Variants in RABGEF1 observed in about 807,000 individuals in gnomAD.
RABGEF1 encodes RAB guanine nucleotide exchange factor 1.
In RABGEF1, 26 loss-of-function variants were observed where a neutral mutation model predicts 57.3. The ratio of observed to expected loss-of-function variants is 0.45; its 90% CI spans 0.33 to 0.63. RABGEF1 has a LOEUF of 0.63. RABGEF1 is among the 20% of genes least tolerant of loss of function. The pLI is 0.02. For missense variants in RABGEF1, 464 were observed against 607.6 expected, an observed-to-expected ratio of 0.76 and a Z score of 2.48; for synonymous variants, 185 against 210.7, an observed-to-expected ratio of 0.88 and a Z score of 1.06.
At chr7:66,790,130 G>A (rs1366042368) in intron 4 of RABGEF1, among the ~76,000 whole-genome samples, 1 of 152,216 alleles carries the variant, frequency 6.6e-6, no homozygotes, top group African/African-American at 2.4e-5. Flanking sequence ...CAGGGCTTCT[G>A]CAAGGACTCG....
chr7:66,792,387 C>G (rs1812917955), intron 4 of RABGEF1, among the ~76,000 whole-genome samples: 1 of 152,202 alleles, frequency 6.6e-6, no homozygotes. Flanking sequence ...AGACACGAGT[C>G]TCCTGGGTCA....
chr7:66,806,892 C>T (rs543855180), intron 8 of RABGEF1, among the ~76,000 whole-genome samples: 91 of 152,274 alleles, frequency 6.0e-4, no homozygotes, highest in African/African-American at 2.1e-3. Flanking sequence ...AATCCACCCA[C>T]CTCAGTTTCC....
chr7:66,691,978 G>A (rs1490363739), intron 1 of RABGEF1, among the ~76,000 whole-genome samples: 3 of 152,096 alleles, frequency 2.0e-5, no homozygotes, highest in East Asian at 1.9e-4. Flanking sequence ...GATCACTTGA[G>A]GCCAGGAGGT....
At chr7:66,735,098 A>T (rs947197571) in intron 2 of RABGEF1, among the ~76,000 whole-genome samples, 1 of 152,160 alleles carries the variant, frequency 6.6e-6, no homozygotes, top group Non-Finnish European at 1.5e-5. Flanking sequence ...TATTTATGTA[A>T]GTTTTAACTT....
At chr7:66,774,101 T>C (rs1207004081) in intron 2 of RABGEF1, among the ~76,000 whole-genome samples, 1 of 152,270 alleles carries the variant, frequency 6.6e-6, no homozygotes, top group African/African-American at 2.4e-5. Flanking sequence ...GCATCACTAC[T>C]TACCAAGTTA....
At chr7:66,705,783 C>G (rs1174162140) in intron 1 of RABGEF1, among the ~76,000 whole-genome samples, 1 of 148,056 alleles carries the variant, frequency 6.8e-6, no homozygotes, top group Non-Finnish European at 1.5e-5. Context: ...GATCTCAGCT[C>G]ACTGCAACCT....
chr7:66,739,751 C>G (rs1337869871), upstream of RABGEF1: 1 of 151,870 alleles, frequency 6.6e-6, no homozygotes. Flanking sequence ...GGGATTTTAA[C>G]CCAGGTCTAT....
the RABGEF1 span, among the ~76,000 whole-genome samples, chr7:66,674,099 A>G: frequency 6.6e-6 from 1 of 152,124 alleles, no homozygotes; most frequent in Non-Finnish European, 1.5e-5. Context: ...AAAATGCTGC[A>G]ACCACTTTGT....
the RABGEF1 span, among the ~76,000 whole-genome samples, chr7:66,668,178 A>C: frequency 6.6e-6 from 1 of 152,196 alleles, no homozygotes; most frequent in Non-Finnish European, 1.5e-5. Context: ...GCTCACTGCA[A>C]CCTTGAACTC....
rs58442880 is a variant in RABGEF1, at chr7:66,720,194, A to AT, written c.-815+7985dup. On this transcript the variant is annotated intron_variant and NMD_transcript_variant, in intron 2 of 9. Transcript: ENST00000607882. Reference sequence around the variant, plus strand: ...CATTATTATTATTATTATTATTATTATTTTTTTTTTTTTTTCTTTGAGAGG... The same window carrying AT: ...CATTATTATTATTATTATTATTATTATTTTTTTTTTTTTTTTCTTTGAGAGG... 4.2e-4 allele frequency among the ~76,000 whole-genome samples: 57 copies of AT among 134,338 alleles called. No homozygotes were observed. The South Asian group carries it at 0.01, about 25-fold the overall frequency. The allele number at this position is 134,338 out of a possible 152,430, so 88.1% of individuals were successfully genotyped here. A position where few individuals can be genotyped will look rare whatever the true frequency, so the allele number is the denominator to read the frequency against.
At chr7:66,796,029 C>T (rs1301423925) in intron 5 of RABGEF1, among the ~76,000 whole-genome samples, 15 of 152,074 alleles carry the variant, frequency 9.9e-5, no homozygotes, top group South Asian at 8.3e-4. Context: ...CCCAGCTACT[C>T]GGGAGGCCGA....
intron 1 of RABGEF1, among the ~76,000 whole-genome samples, chr7:66,702,279 C>T (rs752056249): frequency 6.6e-6 from 1 of 151,900 alleles, no homozygotes; most frequent in Non-Finnish European, 1.5e-5. Context: ...GGATAGACCA[C>T]AATTTGTTTA....
At chr7:66,772,920 A>T (rs1769608102) in intron 2 of RABGEF1, among the ~76,000 whole-genome samples, 1 of 148,958 alleles carries the variant, frequency 6.7e-6, no homozygotes, top group South Asian at 2.1e-4. Context: ...TCAAAAAAAA[A>T]TAAATAAATA....
intron 1 of RABGEF1, among the ~76,000 whole-genome samples, chr7:66,696,074 TA>T (rs1458339160): frequency 1.3e-5 from 2 of 151,538 alleles, no homozygotes; most frequent in Non-Finnish European, 2.9e-5. Flanking sequence ...AATATATATA[TA>T]TTTTTTTCTT....
chr7:66,682,396 T>A (rs1464819141), intron 1 of RABGEF1: 1 of 153,588 alleles, frequency 6.5e-6, no homozygotes, highest in African/African-American at 2.4e-5. Context: ...TCTTCCCATA[T>A]TCTGGCCCCG....
chr7:66,699,112 G>T (rs1792812655), intron 1 of RABGEF1, among the ~76,000 whole-genome samples: 1 of 152,166 alleles, frequency 6.6e-6, no homozygotes, highest in Non-Finnish European at 1.5e-5. Context: ...AACCTGTGGG[G>T]AGGCGAATTC....
chr7:66,733,282 G>T (rs1797549579), intron 2 of RABGEF1, among the ~76,000 whole-genome samples: 1 of 152,200 alleles, frequency 6.6e-6, no homozygotes, highest in Admixed American at 6.5e-5. Flanking sequence ...CAGCCTGGGG[G>T]AGTTGACCAC....
intron 2 of RABGEF1, among the ~76,000 whole-genome samples, chr7:66,731,184 G>A (rs1797271882): frequency 6.6e-6 from 1 of 152,184 alleles, no homozygotes; most frequent in Non-Finnish European, 1.5e-5. Flanking sequence ...CTGGGAGGGA[G>A]AGAGTAACTC....
the RABGEF1 span, chr7:66,654,574 C>T: frequency 2.0e-5 from 3 of 152,690 alleles, no homozygotes; most frequent in Admixed American, 1.3e-4. Context: ...ACCAGACCTA[C>T]TGCAGCCACG....
Sources: gnomAD v4.1 joint callset for allele counts (sites outside exome capture counted in the v4.1 genomes callset) on GRCh38, gnomAD v4.1.1 for gene constraint, MANE v1.5 for transcripts, NCBI Gene and HGNC (gene_info 2026-07-23, HGNC 2026-07-21) for gene names.